Variants in TSPAN5 observed in about 807,000 individuals in gnomAD.
The protein encoded by TSPAN5 is tetraspanin-5.
A neutral mutation model predicts 37.1 loss-of-function variants in TSPAN5; 10 were observed. The observed-to-expected ratio is 0.27, with a 90% CI of 0.17 to 0.46. The LOEUF (loss-of-function observed/expected upper bound fraction) is 0.46. Ranked by LOEUF, TSPAN5 falls within the 20% of genes least tolerant of loss-of-function variation. The pLI, the probability that TSPAN5 is intolerant of heterozygous loss-of-function variation, is 1.00. For missense variants in TSPAN5, 195 were observed against 326.6 expected (o/e 0.60, Z 3.11); for synonymous variants, 110 against 118.9 (o/e 0.93, Z 0.48).
At chr4:98,644,873 C>CCT (rs1757029556) in intron 1 of TSPAN5, among the ~76,000 whole-genome samples, 1 of 152,178 alleles carries the variant, frequency 6.6e-6, no homozygotes, top group South Asian at 2.1e-4. Context: ...TGCCCCTCTT[C>CCT]TCTCCCACAC....
chr4:98,472,704 G>T, intron 7 of TSPAN5, 117 bp from the exon 8 acceptor site: 1 of 818,282 alleles, frequency 1.2e-6, no homozygotes, highest in South Asian at 1.7e-5. Flanking sequence ...ATTCATATGT[G>T]GTAAAAAGCA....
intron 1 of TSPAN5, among the ~76,000 whole-genome samples, chr4:98,531,407 T>C (rs1028924805): frequency 6.6e-6 from 1 of 152,214 alleles, no homozygotes. Context: ...ACTCATCCTT[T>C]TTTATGGCTG....
At chr4:98,509,020 C>T (rs1753544002) in intron 1 of TSPAN5, among the ~76,000 whole-genome samples, 1 of 152,110 alleles carries the variant, frequency 6.6e-6, no homozygotes, top group African/African-American at 2.4e-5. Flanking sequence ...ACACATTGTA[C>T]AGAGCTGTCC....
intron 2 of TSPAN5, among the ~76,000 whole-genome samples, chr4:98,503,510 C>T (rs978494450): frequency 2.0e-5 from 3 of 152,044 alleles, no homozygotes; most frequent in Admixed American, 1.3e-4. Context: ...TCTGTGGGAT[C>T]CAACAGGGTA....
chr4:98,565,444 A>T (rs941272358), intron 1 of TSPAN5, among the ~76,000 whole-genome samples: 3 of 16,780 alleles, frequency 1.8e-4, no homozygotes, highest in Non-Finnish European at 3.8e-4. Context: ...GGCCTTAAAG[A>T]ACTGAGGAGA....
chr4:98,566,533 C>A (rs1755008856), intron 1 of TSPAN5, among the ~76,000 whole-genome samples: 1 of 152,186 alleles, frequency 6.6e-6, no homozygotes, highest in South Asian at 2.1e-4. Flanking sequence ...CAGAGCCCAG[C>A]TGGAGCAGCC....
intron 1 of TSPAN5, among the ~76,000 whole-genome samples, chr4:98,585,103 C>CA (rs1208374692): frequency 6.6e-6 from 1 of 152,088 alleles, no homozygotes; most frequent in Non-Finnish European, 1.5e-5. Context: ...GATCTGCAGT[C>CA]AAAAAACCTA....
rs933601946 is a variant in TSPAN5 at position 98,638,223 on chromosome 4, C to T, written c.81+19923G>A. Reference sequence around the variant, plus strand: ...CCGCACGCTCAAAAATCAAGCACTCCCATGTGTCACAGTTTTACATGTTGC... The same window carrying T: ...CCGCACGCTCAAAAATCAAGCACTCTCATGTGTCACAGTTTTACATGTTGC... On this transcript the variant is annotated intron_variant, in intron 1 of 7. Transcript: ENST00000305798. Among the ~76,000 whole-genome samples the T allele has an allele frequency of 3.4e-4, 51 of 152,180 alleles. 1 individual carries two copies. The highest frequency in any genetic ancestry group is 5.7e-4 in the Non-Finnish European group (39 of 68,042).
intron 1 of TSPAN5, among the ~76,000 whole-genome samples, chr4:98,610,003 G>A (rs931887843): frequency 6.6e-6 from 1 of 152,196 alleles, no homozygotes; most frequent in Non-Finnish European, 1.5e-5. Flanking sequence ...AGAGGCATTA[G>A]CCCAGCTGCT....
chr4:98,480,865 GGAC>G (rs1752823280), intron 4 of TSPAN5, among the ~76,000 whole-genome samples: 1 of 152,186 alleles, frequency 6.6e-6, no homozygotes, highest in South Asian at 2.1e-4. Flanking sequence ...GCTTACTCCA[GGAC>G]GAAATGTTGC....
intron 2 of TSPAN5, among the ~76,000 whole-genome samples, chr4:98,502,979 C>CA (rs1753387763): frequency 6.6e-6 from 1 of 151,746 alleles, no homozygotes; most frequent in Non-Finnish European, 1.5e-5. Context: ...GGCAAAAGGA[C>CA]AGTCTGCCTT....
At chr4:98,587,002 G>A (rs1008560629) in intron 1 of TSPAN5, among the ~76,000 whole-genome samples, 4 of 152,204 alleles carry the variant, frequency 2.6e-5, no homozygotes, top group Admixed American at 6.5e-5. Flanking sequence ...TGAATGCACC[G>A]GCAGTTGGGA....
intron 1 of TSPAN5, among the ~76,000 whole-genome samples, chr4:98,563,205 T>A (rs1754916955): frequency 6.6e-6 from 1 of 152,026 alleles, no homozygotes; most frequent in African/African-American, 2.4e-5. Flanking sequence ...ATATGTTTGT[T>A]AAAGGAACTG....
rs1756580364 is a variant in TSPAN5, at chr4:98,625,517, CAA to C, written c.81+32627_81+32628del. Among the ~76,000 whole-genome samples the C allele has an allele frequency of 1.3e-5, 2 of 152,152 alleles. 1 individual carries two copies. The highest frequency in any genetic ancestry group is 4.8e-5 in the African/African-American group (2 of 41,440). On this transcript the variant is annotated intron_variant, in intron 1 of 7. Coordinates refer to ENST00000305798, the MANE Select transcript of TSPAN5 (RefSeq NM_005723.4). Reference sequence around the variant, plus strand: ...ACGTTACTTCACCAAAGAGAAAAAACAAAAGTCTGTTATGTTTTGCCCTTTAC... The same window carrying C: ...ACGTTACTTCACCAAAGAGAAAAAACAAGTCTGTTATGTTTTGCCCTTTAC...
chr4:98,641,529 C>A (rs1756962163), intron 1 of TSPAN5, among the ~76,000 whole-genome samples: 1 of 152,102 alleles, frequency 6.6e-6, no homozygotes, highest in African/African-American at 2.4e-5. Flanking sequence ...TAATAAATAA[C>A]CTGAATAGTT....
intron 2 of TSPAN5, among the ~76,000 whole-genome samples, chr4:98,504,090 TA>T (rs999194688): frequency 1.3e-5 from 2 of 152,220 alleles, no homozygotes; most frequent in African/African-American, 2.4e-5. Flanking sequence ...AAGTATGGGG[TA>T]ATCATTTTTG....
chr4:98,644,741 T>A (rs1404897326), intron 1 of TSPAN5, among the ~76,000 whole-genome samples: 1 of 152,182 alleles, frequency 6.6e-6, no homozygotes, highest in Admixed American at 6.5e-5. Flanking sequence ...ATACAGTTCC[T>A]AAGCATTTAA....
intron 1 of TSPAN5, among the ~76,000 whole-genome samples, chr4:98,627,891 C>T (rs533256330): frequency 6.6e-6 from 1 of 152,296 alleles, no homozygotes; most frequent in African/African-American, 2.4e-5. Flanking sequence ...AAAAAAACAA[C>T]AGCACTAGGT....
At chr4:98,475,989 C>CA (rs928927210) in intron 7 of TSPAN5, among the ~76,000 whole-genome samples, 200 bp downstream of exon 7, 13 of 149,834 alleles carry the variant, frequency 8.7e-5, no homozygotes, top group Admixed American at 2.7e-4. Flanking sequence ...GACTCCATCT[C>CA]AAAAAAAAAT....
Sources: allele counts gnomAD v4.1 joint callset (sites outside exome capture counted in the v4.1 genomes callset), GRCh38; gene constraint gnomAD v4.1.1; transcripts MANE v1.5; gene names NCBI Gene and HGNC (gene_info 2026-07-23, HGNC 2026-07-21).